The following CALN1 variants were observed in gnomAD, a reference collection of about 807,000 sequenced individuals.
CALN1 encodes calneuron 1.
In CALN1, 17 loss-of-function variants were observed where a neutral mutation model predicts 30.6. That is an observed-to-expected ratio of 0.56 (90% CI 0.38 to 0.83). The LOEUF is 0.83. Ranked by LOEUF, CALN1 falls within the 40% of genes least tolerant of loss-of-function variation. The pLI is 0.00. For synonymous variants in CALN1, 156 were observed against 131.4 expected, an observed-to-expected ratio of 1.19 and a Z score of -1.28; for missense variants, 291 against 354.9, an observed-to-expected ratio of 0.82 and a Z score of 1.45.
At chr7:72,078,441 C>T (rs1191139100) in intron 4 of CALN1, among the ~76,000 whole-genome samples, 1 of 152,124 alleles carries the variant, frequency 6.6e-6, no homozygotes, top group African/African-American at 2.4e-5. Flanking sequence ...TCCCTGGCAG[C>T]AGATGAGCAG....
intron 5 of CALN1, among the ~76,000 whole-genome samples, chr7:72,019,232 T>C (rs553558298): frequency 6.6e-6 from 1 of 152,250 alleles, no homozygotes; most frequent in East Asian, 1.9e-4. Flanking sequence ...GCCTTGGTTA[T>C]AGGTTTCCTC....
At chr7:71,951,197 CT>C (rs1796672033) in intron 5 of CALN1, among the ~76,000 whole-genome samples, 1 of 152,158 alleles carries the variant, frequency 6.6e-6, no homozygotes, top group African/African-American at 2.4e-5. Context: ...ACACCCTTTT[CT>C]TTTTATATGG....
intron 2 of CALN1, among the ~76,000 whole-genome samples, chr7:72,394,181 C>T (rs899545009): frequency 3.3e-5 from 5 of 152,172 alleles, no homozygotes; most frequent in Non-Finnish European, 5.9e-5. Flanking sequence ...CCTGCACCCT[C>T]TCACTTCCTC....
chr7:72,253,943 G>A (rs565510803), intron 3 of CALN1, among the ~76,000 whole-genome samples: 1 of 152,202 alleles, frequency 6.6e-6, no homozygotes, highest in Non-Finnish European at 1.5e-5. Flanking sequence ...GTTTCACCAT[G>A]TTGGCTAGGC....
intron 3 of CALN1, among the ~76,000 whole-genome samples, chr7:72,150,151 G>A (rs10950299): frequency 0.76 from 113,599 of 149,880 alleles, 43,503 homozygotes; most frequent in East Asian, 0.96. Context: ...AAAACAGATA[G>A]AAGTTACCAG....
chr7:71,964,670 CCAAACCAAAA>C (rs909499592), intron 5 of CALN1, among the ~76,000 whole-genome samples: 18 of 151,912 alleles, frequency 1.2e-4, no homozygotes, highest in Non-Finnish European at 2.6e-4. Flanking sequence ...CAAAAAAAAA[CCAAACCAAAA>C]CAAAACAAAA....
intron 5 of CALN1, among the ~76,000 whole-genome samples, chr7:71,973,016 C>T (rs1797924705): frequency 6.6e-6 from 1 of 151,460 alleles, no homozygotes; most frequent in Admixed American, 6.7e-5. Flanking sequence ...CTCACACCAT[C>T]CCCTCACTGG....
chr7:72,076,821 G>C (rs1392288691), intron 4 of CALN1, among the ~76,000 whole-genome samples: 1 of 151,862 alleles, frequency 6.6e-6, no homozygotes, highest in Non-Finnish European at 1.5e-5. Flanking sequence ...TACTGGATTG[G>C]GCCAGGATAC....
At chr7:71,904,005 T>C (rs1009132791) in intron 5 of CALN1, among the ~76,000 whole-genome samples, 2 of 152,132 alleles carry the variant, frequency 1.3e-5, no homozygotes, top group Non-Finnish European at 1.5e-5. Context: ...TGAGATATCA[T>C]CTCACCCCAG....
the CALN1 span, among the ~76,000 whole-genome samples, chr7:72,500,403 C>T: frequency 6.7e-6 from 1 of 150,110 alleles, no homozygotes; most frequent in East Asian, 2.0e-4. Flanking sequence ...GCCTCAGCCT[C>T]CCGAGTAGCT....
At chr7:72,281,292 G>A (rs1797721305) in intron 2 of CALN1, among the ~76,000 whole-genome samples, 1 of 152,164 alleles carries the variant, frequency 6.6e-6, no homozygotes, top group South Asian at 2.1e-4. Context: ...CCAGCCTGCA[G>A]AGATATAAGA....
chr7:71,968,008 T>C (rs1215300632), intron 5 of CALN1, among the ~76,000 whole-genome samples: 2 of 152,214 alleles, frequency 1.3e-5, no homozygotes, highest in Admixed American at 1.3e-4. Flanking sequence ...ACATTTCTCA[T>C]TTTATTCAGT....
chr7:72,029,132 T>G (rs1017847241), intron 4 of CALN1, among the ~76,000 whole-genome samples: 5 of 152,146 alleles, frequency 3.3e-5, no homozygotes, highest in Admixed American at 2.0e-4. Context: ...ATTTGGTCTT[T>G]TTTTTTCTTT....
chr7:72,321,130 C>G (rs1800849108), intron 2 of CALN1, among the ~76,000 whole-genome samples: 1 of 152,182 alleles, frequency 6.6e-6, no homozygotes, highest in Non-Finnish European at 1.5e-5. Flanking sequence ...TTCACCTATT[C>G]AATTTAAACA....
intron 3 of CALN1, among the ~76,000 whole-genome samples, chr7:72,183,415 C>A (rs1222943334): frequency 1.3e-5 from 2 of 151,992 alleles, no homozygotes; most frequent in Non-Finnish European, 2.9e-5. Context: ...TTATGAGAGT[C>A]TAGAAGTATA....
At chr7:72,199,734 C>A (rs1032827577) in intron 3 of CALN1, among the ~76,000 whole-genome samples, 1 of 152,022 alleles carries the variant, frequency 6.6e-6, no homozygotes, top group African/African-American at 2.4e-5. Flanking sequence ...GTAGTCCTAG[C>A]TACTTGGGAG....
chr7:71,815,715 ATCCTTCCTTTCT>A (rs1407525824), intron 5 of CALN1, among the ~76,000 whole-genome samples: 17 of 144,528 alleles, frequency 1.2e-4, no homozygotes, highest in Non-Finnish European at 1.8e-4. Context: ...CCTCCCTTCC[ATCCTTCCTTTCT>A]TCCTTCCTTC....
intron 3 of CALN1, among the ~76,000 whole-genome samples, chr7:72,187,336 T>C (rs926579470): frequency 2.0e-5 from 3 of 152,114 alleles, no homozygotes; most frequent in Non-Finnish European, 4.4e-5. Flanking sequence ...TGCAGATTAG[T>C]AGCATCTGGT....
chr7:72,482,293 C>T, the CALN1 span, among the ~76,000 whole-genome samples: 774 of 152,108 alleles, frequency 5.1e-3, 9 homozygotes, highest in African/African-American at 0.017. Flanking sequence ...ATAAAGGGTT[C>T]TTGCTTTTTT....
Sources: gnomAD v4.1 joint callset for allele counts (sites outside exome capture counted in the v4.1 genomes callset) on GRCh38, gnomAD v4.1.1 for gene constraint, MANE v1.5 for transcripts, NCBI Gene and HGNC (gene_info 2026-07-23, HGNC 2026-07-21) for gene names.